Variants in ZNF385B observed in about 807,000 individuals in gnomAD.
ZNF385B encodes the protein zinc finger protein 533.
In ZNF385B, 23 loss-of-function variants were observed where a neutral mutation model predicts 39.2. The ratio of observed to expected loss-of-function variants is 0.59; its 90% CI spans 0.42 to 0.83. The LOEUF is 0.83. Among genes scored for constraint, ZNF385B ranks in the 40% least tolerant of loss-of-function variants. The pLI is 0.00. For missense variants in ZNF385B, 552 were observed against 598.9 expected, an observed-to-expected ratio of 0.92 and a Z score of 0.82; for synonymous variants, 205 against 222.6, an observed-to-expected ratio of 0.92 and a Z score of 0.70.
At chr2:179,530,007 G>A (rs1316270979) in intron 4 of ZNF385B, among the ~76,000 whole-genome samples, 1 of 144,640 alleles carries the variant, frequency 6.9e-6, no homozygotes, top group Non-Finnish European at 1.6e-5. Context: ...TAATTTTTCA[G>A]TAGATGTGTA....
At chr2:179,719,000 C>A (rs1180801034) in intron 3 of ZNF385B, among the ~76,000 whole-genome samples, 1 of 151,470 alleles carries the variant, frequency 6.6e-6, no homozygotes, top group Non-Finnish European at 1.5e-5. Flanking sequence ...TATAATCTAC[C>A]TGATCTTCCT....
intron 6 of ZNF385B, among the ~76,000 whole-genome samples, chr2:179,466,561 A>G (rs1329991307): frequency 6.6e-6 from 1 of 152,126 alleles, no homozygotes; most frequent in Non-Finnish European, 1.5e-5. Context: ...ATATTAAATT[A>G]TATTATACAA....
intron 1 of ZNF385B, among the ~76,000 whole-genome samples, chr2:179,803,408 T>C (rs1173204477): frequency 6.6e-6 from 1 of 152,168 alleles, no homozygotes; most frequent in Non-Finnish European, 1.5e-5. Flanking sequence ...TACTAGTGCA[T>C]GACTATATAT....
intron 1 of ZNF385B, among the ~76,000 whole-genome samples, chr2:179,778,286 A>T (rs979442508): frequency 2.6e-5 from 4 of 152,182 alleles, no homozygotes; most frequent in African/African-American, 9.6e-5. Context: ...ACTGCAAAAC[A>T]TAACCAACAT....
intron 3 of ZNF385B, among the ~76,000 whole-genome samples, chr2:179,743,043 T>C (rs1351733395): frequency 1.3e-5 from 2 of 152,080 alleles, no homozygotes; most frequent in Non-Finnish European, 2.9e-5. Flanking sequence ...ATGTTCTATG[T>C]AATACGACAA....
At chr2:179,689,549 G>A (rs1282942456) in intron 3 of ZNF385B, among the ~76,000 whole-genome samples, 1 of 152,152 alleles carries the variant, frequency 6.6e-6, no homozygotes, top group Non-Finnish European at 1.5e-5. Flanking sequence ...AAGAGTGTAG[G>A]AGAAAGGAAG....
chr2:179,821,122 C>T (rs1707370616), intron 1 of ZNF385B, among the ~76,000 whole-genome samples: 2 of 152,032 alleles, frequency 1.3e-5, no homozygotes, highest in Non-Finnish European at 1.5e-5. Context: ...TTACAGGTAG[C>T]CCTCAAATCT....
intron 1 of ZNF385B, among the ~76,000 whole-genome samples, chr2:179,838,353 T>G (rs1708363174): frequency 6.6e-6 from 1 of 152,224 alleles, no homozygotes; most frequent in South Asian, 2.1e-4. Context: ...GTACTTCAGT[T>G]TGTACAAAAC....
chr2:179,749,808 C>T (rs1702571108), intron 3 of ZNF385B, among the ~76,000 whole-genome samples: 1 of 152,074 alleles, frequency 6.6e-6, no homozygotes, highest in Admixed American at 6.6e-5. Context: ...ACTCAGTTTC[C>T]ACACTGAAAG....
At chr2:179,446,457 T>C (rs984753393) in intron 7 of ZNF385B, 68 bp downstream of exon 7, 56 of 1,542,046 alleles carry the variant, frequency 3.6e-5, no homozygotes, top group South Asian at 5.3e-5. Context: ...ACAAAAGATA[T>C]GGTATTCTGA....
chr2:179,523,745 A>G (rs1206299549), intron 4 of ZNF385B, among the ~76,000 whole-genome samples: 1 of 152,214 alleles, frequency 6.6e-6, no homozygotes, highest in Non-Finnish European at 1.5e-5. Context: ...CATCACCCCC[A>G]TTACGAAACA....
chr2:179,540,495 AC>A (rs71405990), intron 4 of ZNF385B, among the ~76,000 whole-genome samples: 142 of 150,994 alleles, frequency 9.4e-4, no homozygotes, highest in African/African-American at 3.2e-3. Flanking sequence ...AACAACAACA[AC>A]AAAAAAAACC....
chr2:179,623,364 C>G (rs1183682618), intron 3 of ZNF385B, among the ~76,000 whole-genome samples: 1 of 152,062 alleles, frequency 6.6e-6, no homozygotes, highest in Admixed American at 6.6e-5. Flanking sequence ...ACAAACTACA[C>G]TTCTCACTAT....
intron 3 of ZNF385B, among the ~76,000 whole-genome samples, chr2:179,752,711 C>CTTT (rs1702756309): frequency 6.7e-6 from 1 of 150,114 alleles, no homozygotes; most frequent in East Asian, 2.0e-4. Context: ...TTTCATTTGT[C>CTTT]TGGCTGCATA....
chr2:179,795,461 C>T (rs1705600938), intron 1 of ZNF385B, among the ~76,000 whole-genome samples: 1 of 152,098 alleles, frequency 6.6e-6, no homozygotes, highest in African/African-American at 2.4e-5. Flanking sequence ...CTATCTGCAA[C>T]ATCTATGGGT....
chr2:179,471,703 T>C (rs2052790311), intron 6 of ZNF385B, among the ~76,000 whole-genome samples: 2 of 152,206 alleles, frequency 1.3e-5, no homozygotes, highest in Admixed American at 1.3e-4. Context: ...ATATCATAAC[T>C]AAAAACTGAC....
intron 3 of ZNF385B, among the ~76,000 whole-genome samples, chr2:179,759,059 CT>C (rs1464935546): frequency 6.6e-6 from 1 of 152,178 alleles, no homozygotes; most frequent in South Asian, 2.1e-4. Flanking sequence ...TTTGAGCATT[CT>C]CTTCATTCCC....
At chr2:179,676,008 C>T (rs368546859) in intron 3 of ZNF385B, among the ~76,000 whole-genome samples, 6 of 150,336 alleles carry the variant, frequency 4.0e-5, no homozygotes, top group South Asian at 2.1e-4. Context: ...AGGCTGGTCT[C>T]GAACTCCTGA....
intron 6 of ZNF385B, among the ~76,000 whole-genome samples, chr2:179,471,219 A>T (rs1212664067): frequency 6.6e-6 from 1 of 152,204 alleles, no homozygotes; most frequent in Non-Finnish European, 1.5e-5. Context: ...TATGAAACTC[A>T]CAATAACATA....
Sources: gnomAD v4.1 joint callset for allele counts (sites outside exome capture counted in the v4.1 genomes callset) on GRCh38, gnomAD v4.1.1 for gene constraint, MANE v1.5 for transcripts, NCBI Gene and HGNC (gene_info 2026-07-23, HGNC 2026-07-21) for gene names.